OVCH1: variants seen among roughly 807,000 people sequenced by gnomAD.
The protein encoded by OVCH1 is ovochymase 1, also known as ovochymase-1.
Under a neutral mutation model 138.4 loss-of-function variants are expected in OVCH1, and 139 were observed. The observed-to-expected ratio is 1.00, with a 90% CI of 0.87 to 1.16. The LOEUF (loss-of-function observed/expected upper bound fraction) is 1.16, where lower values mean the gene tolerates loss of function less well. Ranked by LOEUF, OVCH1 falls within the 50% of genes most tolerant of loss-of-function variation. The pLI, the probability that OVCH1 is intolerant of heterozygous loss-of-function variation, is 0.00. For synonymous variants in OVCH1, 453 were observed against 467.8 expected (o/e 0.97, Z 0.41); for missense variants, 1,367 against 1,357.9 (o/e 1.01, Z -0.11).
chr12:29,435,196 G>GTAT (rs1565568876), intron 26 of OVCH1, among the ~76,000 whole-genome samples: 1 of 152,112 alleles, frequency 6.6e-6, no homozygotes, highest in Non-Finnish European at 1.5e-5. Context: ...ATTTTAGACA[G>GTAT]TATTTCTTAG....
chr12:29,440,383 C>T (rs1449794608), intron 25 of OVCH1: 10 of 174,958 alleles, frequency 5.7e-5, no homozygotes, highest in Non-Finnish European at 9.7e-5. Flanking sequence ...CTTCTCTGTC[C>T]CCTTCTTTAT....
chr12:29,446,917 T>C (rs1941632319), intron 22 of OVCH1, among the ~76,000 whole-genome samples: 1 of 151,878 alleles, frequency 6.6e-6, no homozygotes. Flanking sequence ...CATGTACGGA[T>C]ACATTTAAAC....
downstream of OVCH1, among the ~76,000 whole-genome samples, chr12:29,411,502 TGTTA>T (rs1022520301): frequency 1.3e-5 from 2 of 152,018 alleles, no homozygotes; most frequent in African/African-American, 2.4e-5. Context: ...CCTTTCCGTT[TGTTA>T]GTTTTCCTTC....
At chr12:29,452,752 G>A (rs1407861842) in intron 21 of OVCH1, among the ~76,000 whole-genome samples, 3 of 152,046 alleles carry the variant, frequency 2.0e-5, no homozygotes, top group Admixed American at 6.6e-5. Context: ...TTTATAAATG[G>A]GAGTAACAAT....
intron 3 of OVCH1, among the ~76,000 whole-genome samples, chr12:29,418,343 G>A (rs980134859): frequency 6.6e-6 from 1 of 152,148 alleles, no homozygotes; most frequent in Non-Finnish European, 1.5e-5. Flanking sequence ...AAATTCCTAA[G>A]TATTTGGAGT....
chr12:29,417,760 AGTGTGTGT>A (rs55835508), intron 3 of OVCH1, among the ~76,000 whole-genome samples: 36 of 149,784 alleles, frequency 2.4e-4, no homozygotes, highest in Middle Eastern at 3.4e-3. Flanking sequence ...CTGGCCTACA[AGTGTGTGT>A]GTGTGTGTGT....
chr12:29,452,772 C>G (rs1335536872), intron 21 of OVCH1, among the ~76,000 whole-genome samples: 1 of 152,104 alleles, frequency 6.6e-6, no homozygotes, highest in Non-Finnish European at 1.5e-5. Flanking sequence ...TTGAAAGAAA[C>G]CATTGCTAAG....
intron 8 of OVCH1, among the ~76,000 whole-genome samples, chr12:29,480,855 C>G (rs778558974): frequency 4.6e-5 from 7 of 152,182 alleles, no homozygotes; most frequent in Non-Finnish European, 8.8e-5. Context: ...TCTAAGGCTA[C>G]TCAGCATGCT....
At chr12:29,429,722 T>G (rs1361681868) in intron 27 of OVCH1, among the ~76,000 whole-genome samples, 1 of 152,182 alleles carries the variant, frequency 6.6e-6, no homozygotes, top group Non-Finnish European at 1.5e-5. Context: ...AATCAAGAGA[T>G]GTGATCTCAA....
At chr12:29,435,430 G>A (rs1039098476) in intron 26 of OVCH1, among the ~76,000 whole-genome samples, 3 of 152,116 alleles carry the variant, frequency 2.0e-5, no homozygotes, top group African/African-American at 4.8e-5. Context: ...GCAGTGGCGC[G>A]ATCTCGGCTC....
chr12:29,415,112 T>G (rs1941015205), intron 3 of OVCH1, among the ~76,000 whole-genome samples: 1 of 152,190 alleles, frequency 6.6e-6, no homozygotes. Context: ...AATGAATAGG[T>G]ACAGTTATAG....
At chr12:29,404,808 G>T in the OVCH1 span, among the ~76,000 whole-genome samples, 2 of 151,858 alleles carry the variant, frequency 1.3e-5, no homozygotes, top group Non-Finnish European at 2.9e-5. Flanking sequence ...GAACCACGAG[G>T]TCAGAAGTTC....
chr12:29,472,526 C>T (rs1429869244), intron 15 of OVCH1, among the ~76,000 whole-genome samples: 2 of 152,168 alleles, frequency 1.3e-5, no homozygotes, highest in Admixed American at 6.5e-5. Context: ...AGGAAGCCTT[C>T]TCCAACCCTC....
At chr12:29,454,446 G>A (rs1941886294) in intron 21 of OVCH1, among the ~76,000 whole-genome samples, 2 of 152,150 alleles carry the variant, frequency 1.3e-5, no homozygotes, top group African/African-American at 4.8e-5. Context: ...CAAACAGAGA[G>A]TGGCAACTGT....
At chr12:29,451,154 T>C (rs1279005784) in intron 22 of OVCH1, among the ~76,000 whole-genome samples, 191 bp downstream of exon 22, 2 of 151,254 alleles carry the variant, frequency 1.3e-5, no homozygotes, top group Admixed American at 6.6e-5. Context: ...AACCCAGAAC[T>C]TAAAGTATAA....
At chr12:29,426,368 GA>G (rs1941179694), downstream of OVCH1, among the ~76,000 whole-genome samples, 2 of 152,152 alleles carry the variant, frequency 1.3e-5, no homozygotes. Context: ...GATAATATTA[GA>G]ACATGTTTGA....
chr12:29,491,151 T>G, exon 5 of OVCH1: 1 of 1,613,794 alleles, frequency 6.2e-7, no homozygotes, highest in South Asian at 1.1e-5. Context: ...GGTTCAACTT[T>G]ATCATCGCTG....
intron 5 of OVCH1, 43 bp downstream of exon 5, chr12:29,491,054 C>G: frequency 6.6e-7 from 1 of 1,506,020 alleles, no homozygotes; most frequent in Non-Finnish European, 9.2e-7. Flanking sequence ...CCTGGACATA[C>G]AGAGAGCTGG....
At chr12:29,426,580 T>C (rs1010078331), downstream of OVCH1, among the ~76,000 whole-genome samples, 2 of 152,220 alleles carry the variant, frequency 1.3e-5, no homozygotes, top group Admixed American at 6.5e-5. Context: ...GATATCTCTC[T>C]ATAAATCTTT....
Sources: gnomAD v4.1 joint callset for allele counts (sites outside exome capture counted in the v4.1 genomes callset) on GRCh38, gnomAD v4.1.1 for gene constraint, MANE v1.5 for transcripts, NCBI Gene and HGNC (gene_info 2026-07-23, HGNC 2026-07-21) for gene names.